The following ULBP2 variants were observed in gnomAD, a reference collection of about 807,000 sequenced individuals.
ULBP2 encodes UL16-binding protein 2.
Under a neutral mutation model 23.6 loss-of-function variants are expected in ULBP2, and 21 were observed. The observed-to-expected ratio is 0.89, with a 90% CI of 0.63 to 1.28. ULBP2 has a LOEUF of 1.28. ULBP2 is among the 50% of genes most tolerant of loss of function. The pLI is 0.00. For synonymous variants in ULBP2, 82 were observed against 112.8 expected, an observed-to-expected ratio of 0.73 and a Z score of 1.73; for missense variants, 251 against 306.0, an observed-to-expected ratio of 0.82 and a Z score of 1.34.
intron 3 of ULBP2, among the ~76,000 whole-genome samples, chr6:149,947,092 G>C (rs548682166): frequency 6.6e-6 from 1 of 151,900 alleles, no homozygotes; most frequent in Admixed American, 6.6e-5. Context: ...AGGAGGGTGG[G>C]GTGTGTTGTC....
intron 1 of ULBP2, among the ~76,000 whole-genome samples, chr6:149,942,446 T>C (rs1386663717): frequency 2.0e-5 from 3 of 152,024 alleles, no homozygotes; most frequent in African/African-American, 7.3e-5. Flanking sequence ...TGGTGCAGCC[T>C]GGCAGTCCCA....
At chr6:149,942,303 C>A in intron 1 of ULBP2, 146 bp downstream of exon 1, 1 of 832,550 alleles carries the variant, frequency 1.2e-6, no homozygotes, top group Non-Finnish European at 1.8e-6. Flanking sequence ...GTCGGCGGCT[C>A]CTTCCTGCTG....
At chr6:149,947,201 AG>A in intron 3 of ULBP2, 118 bp from the exon 4 acceptor site, 1 of 1,583,164 alleles carries the variant, frequency 6.3e-7, no homozygotes, top group Non-Finnish European at 8.6e-7. Context: ...GCCCCACACC[AG>A]GGGGGAGAGG....
chr6:149,942,202 G>T lies in ULBP2; in HGVS notation c.85+45G>T, dbSNP rs539619702. ...CTAAGCCGGGCGGGGACCAAGCCTG[G>T]AGGGCTGTGAACTGCCGCGGGTTTC... On this transcript the variant is annotated intron_variant, in intron 1 of 4. Coordinates refer to ENST00000367351, the MANE Select transcript of ULBP2 (RefSeq NM_025217.4). 6.2e-4 allele frequency: 995 copies of T among 1,592,074 alleles called. 6 individuals carry two copies. The African/African-American group carries it at 8.6e-3, about 14-fold the overall frequency.
At chr6:149,946,351 A>T (rs1323849445) in intron 2 of ULBP2, 21 bp from the exon 3 acceptor site, 2 of 1,604,506 alleles carry the variant, frequency 1.2e-6, no homozygotes, top group East Asian at 4.5e-5. Context: ...ATCAGAGCTG[A>T]TCTCTCTCTG....
At chr6:149,946,780 G>A in intron 3 of ULBP2, 127 bp downstream of exon 3, 4 of 1,507,322 alleles carry the variant, frequency 2.7e-6, no homozygotes, top group Non-Finnish European at 3.6e-6. Flanking sequence ...CTCCTCGTGG[G>A]GCGCTCCTCC....
Position 149,946,419 on chromosome 6 carries a change from G to A in ULBP2, c.397G>A (p.Gly133Arg), listed in dbSNP as rs1455196065. ...GATGTCTTGTGAGCAGAAAGCTGAA[G>A]GACACAGCAGTGGATCTTGGCAGTT... The part of the protein sequence containing the change: ...ARMSCEQKAE[G>R]HSSGSWQFSF... Residue 133 changes from glycine (G) to arginine (R), a missense_variant, in exon 3 of 5, where the codon GGA (glycine) becomes AGA (arginine). By Grantham distance (125) the Gly-to-Arg change is moderately radical (BLOSUM62 -2). Transcript: ENST00000367351. 2 of 1,614,008 alleles carry A rather than the reference G, an allele frequency of 1.2e-6. No homozygotes were observed. Among genetic ancestry groups the A allele is most frequent in the Non-Finnish European group, 1.7e-6 (2 of 1,180,036 alleles).
At chr6:149,943,239 T>C (rs1282874091) in intron 1 of ULBP2, among the ~76,000 whole-genome samples, 1 of 150,746 alleles carries the variant, frequency 6.6e-6, no homozygotes, top group Non-Finnish European at 1.5e-5. Flanking sequence ...TCCCAGTGAA[T>C]AGTGCCCCAT....
At chr6:149,948,329 G>A (rs992419020) in intron 4 of ULBP2, among the ~76,000 whole-genome samples, 1 of 152,206 alleles carries the variant, frequency 6.6e-6, no homozygotes, top group African/African-American at 2.4e-5. Context: ...GGGGAAAGAA[G>A]GATGTTTGCC....
chr6:149,942,289 T>G, intron 1 of ULBP2, 132 bp downstream of exon 1: 3 of 963,990 alleles, frequency 3.1e-6, no homozygotes, highest in Non-Finnish European at 4.4e-6. Flanking sequence ...CCCGTTCAGT[T>G]CCGGTCGGCG....
rs753208470 is a variant in ULBP2, at chr6:149,946,445, C to G, written c.423C>G (p.Phe141Leu). ...AEGHSSGSWQ[F>L]SFDGQIFLLF... ...GACACAGCAGTGGATCTTGGCAGTT[C>G]AGTTTCGATGGGCAGATCTTCCTCC... Residue 141 changes from phenylalanine (F) to leucine (L), a missense_variant, in exon 3 of 5, where the codon TTC becomes TTG. Phe to Leu is a conservative substitution (Grantham distance 22). Coordinates refer to ENST00000367351, the MANE Select transcript of ULBP2 (RefSeq NM_025217.4). The G allele has an allele frequency of 1.9e-6, 3 of 1,614,140 alleles. No individual in the cohort carries two copies. The highest frequency in any genetic ancestry group is 2.5e-6 in the Non-Finnish European group (3 of 1,180,040).
Position 149,942,128 on chromosome 6 carries a change from T to C in ULBP2, c.56T>C (p.Leu19Pro), listed in dbSNP as rs1176623590. Reference protein sequence around the residue: ...ILLCLPLLLLLSGWSRAGRAD... With the variant: ...ILLCLPLLLLPSGWSRAGRAD... ...CTGTGCCTCCCGCTTCTGCTCCTGCTGTCCGGCTGGTCCCGGGCTGGGCGA... is the reference window on the plus strand; with the variant it reads ...CTGTGCCTCCCGCTTCTGCTCCTGCCGTCCGGCTGGTCCCGGGCTGGGCGA... The change falls in exon 1 of 5, where the codon CTG becomes CCG. Residue 19 changes from leucine to proline, a missense_variant. Transcript: ENST00000367351. The C allele has an allele frequency of 1.2e-6, 2 of 1,612,510 alleles. No homozygotes were observed. Among genetic ancestry groups the C allele is most frequent in the Non-Finnish European group, 1.7e-6 (2 of 1,179,640 alleles).
At chr6:149,944,096 G>T (rs1324362266) in intron 1 of ULBP2, among the ~76,000 whole-genome samples, 5 of 152,056 alleles carry the variant, frequency 3.3e-5, no homozygotes, top group African/African-American at 1.2e-4. Context: ...TGTCCTGGCT[G>T]CAGGGTTAAA....
intron 3 of ULBP2, 32 bp downstream of exon 3, chr6:149,946,685 A>T (rs1355638601): frequency 6.2e-7 from 1 of 1,610,254 alleles, no homozygotes; most frequent in African/African-American, 1.3e-5. Flanking sequence ...GGGATCTCAA[A>T]TGTGATCAGA....
chr6:149,943,406 C>A (rs980411684), intron 1 of ULBP2, among the ~76,000 whole-genome samples: 1 of 152,082 alleles, frequency 6.6e-6, no homozygotes, highest in African/African-American at 2.4e-5. Context: ...TGAGTGGCAT[C>A]CACGGGGACC....
At chr6:149,948,076 G>A (rs1778970407) in intron 4 of ULBP2, among the ~76,000 whole-genome samples, 1 of 152,218 alleles carries the variant, frequency 6.6e-6, no homozygotes, top group African/African-American at 2.4e-5. Context: ...CCATGGACAT[G>A]TGCAGCTCGA....
chr6:149,942,299 G>T, intron 1 of ULBP2, 142 bp downstream of exon 1: 1 of 858,218 alleles, frequency 1.2e-6, no homozygotes, highest in Non-Finnish European at 1.7e-6. Context: ...TCCGGTCGGC[G>T]GCTCCTTCCT....
chr6:149,946,711 A>C, intron 3 of ULBP2, 58 bp downstream of exon 3: 1 of 1,600,284 alleles, frequency 6.2e-7, no homozygotes, highest in South Asian at 1.1e-5. Flanking sequence ...TGACCTCAAG[A>C]AGTTAGTTCT....
chr6:149,945,493 G>T lies in ULBP2; in HGVS notation c.270G>T (p.Gln90His), dbSNP rs375268794. The T allele has an allele frequency of 3.7e-6, 6 of 1,613,918 alleles. No individual in the cohort carries two copies. In the African/African-American group the frequency reaches 8.0e-5, roughly 22 times the overall value. Residue 90 changes from glutamine (Q) to histidine (H), a missense_variant, in exon 2 of 5, where the codon CAG (glutamine) becomes CAT (histidine). Around this residue, in one of 2 missense-constraint regions of ULBP2, gnomAD observed 248 missense variants for 258.9 expected, o/e 0.96. Transcript: ENST00000367351. The part of the protein sequence containing the change: ...KLNVTTAWKA[Q>H]NPVLREVVDI... ...ATGTCACAACGGCCTGGAAAGCACA[G>T]AACCCAGTACTGAGAGAGGTGGTGG...
Sources: gnomAD v4.1 joint callset for allele counts (sites outside exome capture counted in the v4.1 genomes callset) on GRCh38, gnomAD v4.1.1 for gene constraint, gnomAD v4.1.1 regional missense constraint, MANE v1.5 for transcripts, NCBI Gene and HGNC (gene_info 2026-07-23, HGNC 2026-07-21) for gene names.